MPHOSPH9: variants seen among roughly 807,000 people sequenced by gnomAD.
MPHOSPH9 encodes M-phase phosphoprotein 9.
A neutral mutation model predicts 145.5 loss-of-function variants in MPHOSPH9; 88 were observed. That is an observed-to-expected ratio of 0.60 (90% CI 0.51 to 0.72). The LOEUF is 0.72. Among genes scored for constraint, MPHOSPH9 ranks in the 30% least tolerant of loss-of-function variants. The pLI is 0.00. For synonymous variants in MPHOSPH9, 435 were observed against 486.2 expected, an observed-to-expected ratio of 0.89 and a Z score of 1.39; for missense variants, 1,238 against 1,386.6, an observed-to-expected ratio of 0.89 and a Z score of 1.70.
At chr12:123,153,884 T>G (rs934899289), downstream of MPHOSPH9, among the ~76,000 whole-genome samples, 1 of 150,128 alleles carries the variant, frequency 6.7e-6, no homozygotes, top group Non-Finnish European at 1.5e-5. Flanking sequence ...AAATCTCCCT[T>G]AATGAAAGGA....
rs187585049 is a variant in MPHOSPH9 at position 123,199,379 on chromosome 12, G to A, written c.1938-1045C>T. The stretch of plus-strand genomic sequence containing the variant: ...AAGAATTCAGTTACCATCTTGACTC[G>A]GTGTTTAACATAGTATGAATAATAA... On this transcript the variant is annotated intron_variant, in intron 11 of 23. Transcript: ENST00000606320. Among the ~76,000 whole-genome samples the A allele has an allele frequency of 2.8e-4, 43 of 152,002 alleles. 1 individual carries two copies. The South Asian group carries it at 6.7e-3, about 24-fold the overall frequency.
intron 6 of MPHOSPH9, among the ~76,000 whole-genome samples, chr12:123,217,048 C>T (rs1017853556): frequency 7.9e-5 from 12 of 151,836 alleles, no homozygotes; most frequent in African/African-American, 2.9e-4. Flanking sequence ...TCTTAATTAT[C>T]TGAAACTCAA....
intron 7 of MPHOSPH9, among the ~76,000 whole-genome samples, chr12:123,211,615 C>T (rs1227610425): frequency 6.6e-6 from 1 of 151,696 alleles, no homozygotes; most frequent in African/African-American, 2.4e-5. Flanking sequence ...CTCGGCCTCC[C>T]AAAGTGCTAG....
Position 123,221,618 on chromosome 12 carries a change from A to C in MPHOSPH9, c.626T>G (p.Leu209Arg), listed in dbSNP as rs2047203527. 15 of 1,614,230 alleles carry C rather than the reference A, an allele frequency of 9.3e-6. No individual in the cohort carries two copies. Among genetic ancestry groups the C allele is most frequent in the Non-Finnish European group, 1.3e-5 (15 of 1,180,030 alleles). The part of the protein sequence containing the change: ...YGTFCISELN[L>R]YKSKDPKEFM... ...CTCCTTAGGGTCTTTAGATTTGTAC[A>C]GATTTAATTCTGAGATACAAAAGGT... The change falls in exon 5 of 24, where the codon CTG becomes CGG. Residue 209 changes from leucine (L) to arginine (R), a missense_variant. Around this residue, in one of 3 missense-constraint regions of MPHOSPH9, gnomAD observed 837 missense variants for 897.5 expected, o/e 0.93. Coordinates refer to ENST00000606320, the MANE Select transcript of MPHOSPH9 (RefSeq NM_022782.4).
chr12:123,157,920 GAA>G (rs1024595461), intron 23 of MPHOSPH9, among the ~76,000 whole-genome samples: 1 of 149,236 alleles, frequency 6.7e-6, no homozygotes, highest in Non-Finnish European at 1.5e-5. Flanking sequence ...AAGCAAAAAA[GAA>G]AAAAAAACTG....
intron 5 of MPHOSPH9, among the ~76,000 whole-genome samples, chr12:123,219,224 G>A (rs866496650): frequency 2.6e-5 from 4 of 151,582 alleles, no homozygotes; most frequent in Middle Eastern, 3.4e-3. Context: ...TTCTACTAGC[G>A]GTAAGACAAT....
chr12:123,170,568 C>T (rs1356111329), intron 16 of MPHOSPH9, among the ~76,000 whole-genome samples: 1 of 152,188 alleles, frequency 6.6e-6, no homozygotes, highest in African/African-American at 2.4e-5. Context: ...AGACGTGAGC[C>T]ACCACACCTG....
At position 123,192,628 on chromosome 12, in the gene MPHOSPH9, C is replaced by CA. The variant is rs55831766; in HGVS notation, c.2241+1757dup. On this transcript the variant is annotated intron_variant, in intron 13 of 23. Coordinates refer to ENST00000606320, the MANE Select transcript of MPHOSPH9 (RefSeq NM_022782.4). The stretch of plus-strand genomic sequence containing the variant: ...TGGGCAACAGAGTGAGACACCGTCT[C>CA]AAAAAAAAAAAAAAAAAAAAAAAAA... 9.7e-3 allele frequency among the ~76,000 whole-genome samples: 480 copies of CA among 49,380 alleles called. 93 individuals carry two copies. Among genetic ancestry groups the CA allele is most frequent in the Non-Finnish European group, 0.014 (390 of 28,312 alleles). 32.4% of individuals were successfully genotyped at this position (49,380 alleles called of 152,430 possible).
At chr12:123,225,534 G>A (rs2047406376) in intron 3 of MPHOSPH9, among the ~76,000 whole-genome samples, 2 of 141,382 alleles carry the variant, frequency 1.4e-5, no homozygotes, top group Non-Finnish European at 3.1e-5. Flanking sequence ...GAAAGGAAGG[G>A]AGGGAGGGAG....
intron 15 of MPHOSPH9, 52 bp from the exon 16 acceptor site, chr12:123,176,841 T>C (rs904782605): frequency 1.7e-5 from 23 of 1,372,444 alleles, no homozygotes; most frequent in Non-Finnish European, 2.4e-5. Flanking sequence ...AAATGTAAAA[T>C]ATAGCTCAAC....
At position 123,159,711 on chromosome 12, in the gene MPHOSPH9, T is replaced by C. The variant is rs1420589876; in HGVS notation, c.3450+1070A>G. On this transcript the variant is annotated intron_variant, in intron 23 of 23. Transcript: ENST00000606320. The surrounding 1 kb of genome is among the most constrained non-coding windows in gnomAD (Gnocchi z 4.3). ...CAAAGAGATATGTTTAAGAACTTTA[T>C]TGCAGCCTTATTTATGATATCCAAA... 2.0e-5 allele frequency: 3 copies of C among 152,230 alleles called. No individual in the cohort carries two copies. The highest frequency in any genetic ancestry group is 4.4e-5 in the Non-Finnish European group (3 of 68,040). The allele number at this position is 152,230 out of a possible 1,614,324, so 9.4% of individuals were successfully genotyped here.
intron 12 of MPHOSPH9, among the ~76,000 whole-genome samples, chr12:123,197,956 C>G (rs1019775839): frequency 6.6e-6 from 1 of 151,354 alleles, no homozygotes. Flanking sequence ...TGGTGGAGGG[C>G]GCCTGTAGTC....
upstream of MPHOSPH9, among the ~76,000 whole-genome samples, chr12:123,235,366 C>T (rs772972466): frequency 6.6e-6 from 1 of 151,922 alleles, no homozygotes; most frequent in Non-Finnish European, 1.5e-5. Context: ...TGAGAGGAGT[C>T]GTCAAATACA....
rs2045869396 is a variant in MPHOSPH9 at position 123,194,741 on chromosome 12, C to T, written c.2026-140G>A. The T allele has an allele frequency of 1.4e-5, 8 of 582,590 alleles. No individual in the cohort carries two copies. The Admixed American group carries it at 1.5e-4, about 11-fold the overall frequency. 36.1% of individuals were successfully genotyped at this position (582,590 alleles called of 1,614,324 possible). ...GGTTCAAGCAATTCTCCTGCCTCAGCCTCCCGAGAGCTGCGATTACAGGCG... is the reference window on the plus strand; with the variant it reads ...GGTTCAAGCAATTCTCCTGCCTCAGTCTCCCGAGAGCTGCGATTACAGGCG... On this transcript the variant is annotated intron_variant, in intron 12 of 23. Coordinates refer to ENST00000606320, the MANE Select transcript of MPHOSPH9 (RefSeq NM_022782.4).
chr12:123,174,594 G>C (rs1056747408), intron 16 of MPHOSPH9, among the ~76,000 whole-genome samples: 1 of 151,854 alleles, frequency 6.6e-6, no homozygotes, highest in African/African-American at 2.4e-5. Context: ...GGATGGTCTC[G>C]ATCTCCTGAC....
intron 3 of MPHOSPH9, among the ~76,000 whole-genome samples, chr12:123,223,418 T>C (rs989665098): frequency 6.6e-6 from 1 of 152,174 alleles, no homozygotes; most frequent in Non-Finnish European, 1.5e-5. Flanking sequence ...CGTAAAGCCT[T>C]TCAGCATCTT....
chr12:123,193,970 T>C (rs1318345698), intron 13 of MPHOSPH9, among the ~76,000 whole-genome samples: 4 of 152,172 alleles, frequency 2.6e-5, no homozygotes, highest in Non-Finnish European at 2.9e-5. Context: ...TGCAAAGTTA[T>C]GTAAAACTAA....
intron 12 of MPHOSPH9, 118 bp downstream of exon 12, chr12:123,198,129 C>A: frequency 1.3e-6 from 1 of 751,144 alleles, no homozygotes; most frequent in Admixed American, 2.8e-5. Flanking sequence ...ATGAAGCCAA[C>A]AGCACTAAAA....
intron 1 of MPHOSPH9, among the ~76,000 whole-genome samples, chr12:123,231,906 G>C (rs2047651959): frequency 6.7e-6 from 1 of 148,666 alleles, no homozygotes; most frequent in Non-Finnish European, 1.5e-5. Flanking sequence ...GAAAAGCTTA[G>C]AGAGTGCAAC....
Sources: allele counts gnomAD v4.1 joint callset (sites outside exome capture counted in the v4.1 genomes callset), GRCh38; gene constraint gnomAD v4.1.1; regional missense constraint gnomAD v4.1.1; non-coding constraint Gnocchi (gnomAD v3.1); transcripts MANE v1.5; gene names NCBI Gene and HGNC (gene_info 2026-07-23, HGNC 2026-07-21).